Variants in TPRG1 observed in about 807,000 individuals in gnomAD.
TPRG1 encodes tumor protein p63 regulated 1, also known as tumor protein p63-regulated gene 1 protein.
TPRG1 carries 29 observed loss-of-function variants against 29.3 expected under a neutral mutation model. The ratio of observed to expected loss-of-function variants is 0.99; its 90% confidence interval spans 0.74 to 1.35. TPRG1 has a LOEUF of 1.35. Among genes scored for constraint, TPRG1 ranks in the 40% most tolerant of loss-of-function variants. The pLI is 0.00. For synonymous variants in TPRG1, 130 were observed against 116.8 expected, an observed-to-expected ratio of 1.11 and a Z score of -0.73; for missense variants, 327 against 335.0, an observed-to-expected ratio of 0.98 and a Z score of 0.19.
At chr3:189,059,551 C>T (rs1715957947) in intron 4 of TPRG1, among the ~76,000 whole-genome samples, 1 of 151,580 alleles carries the variant, frequency 6.6e-6, no homozygotes, top group African/African-American at 2.4e-5. Context: ...GAGATCGCGC[C>T]ACTGCACTCC....
chr3:189,180,097 A>G (rs920420806), intron 1 of TPRG1, among the ~76,000 whole-genome samples: 3 of 152,180 alleles, frequency 2.0e-5, no homozygotes, highest in African/African-American at 7.2e-5. Flanking sequence ...TAAAACCATC[A>G]GATCCCGTGA....
At chr3:189,064,545 TAA>T (rs1716313708) in intron 4 of TPRG1, among the ~76,000 whole-genome samples, 3 of 152,192 alleles carry the variant, frequency 2.0e-5, no homozygotes, top group African/African-American at 4.8e-5. Flanking sequence ...CAGAAATTAA[TAA>T]GATTTAAAAT....
chr3:189,051,390 G>A (rs973311156), intron 4 of TPRG1, among the ~76,000 whole-genome samples: 1 of 152,014 alleles, frequency 6.6e-6, no homozygotes, highest in African/African-American at 2.4e-5. Flanking sequence ...CATAACAAAG[G>A]AGTTGAAAGA....
intron 1 of TPRG1, among the ~76,000 whole-genome samples, chr3:189,119,277 A>G (rs1721548834): frequency 6.6e-6 from 1 of 152,140 alleles, no homozygotes; most frequent in South Asian, 2.1e-4. Flanking sequence ...GAATGGGTGT[A>G]TTTACCCAAT....
At chr3:189,061,237 A>G (rs183075887) in intron 4 of TPRG1, among the ~76,000 whole-genome samples, 86 of 152,358 alleles carry the variant, frequency 5.6e-4, no homozygotes, top group African/African-American at 2.0e-3. Flanking sequence ...AGAACTGGAT[A>G]GCCATATGCA....
rs533100806 is a variant in TPRG1 at position 189,127,404 on chromosome 3, T to C, written c.-590+194T>C. Reference sequence around the variant, plus strand: ...TTTAGAGATCATATAGGTGCTGACATATGTTAACAAATGGAAACTATTGAC... The same window carrying C: ...TTTAGAGATCATATAGGTGCTGACACATGTTAACAAATGGAAACTATTGAC... On this transcript the variant is annotated intron_variant, in intron 2 of 6. Transcript: ENST00000412373. Among the ~76,000 whole-genome samples the C allele has an allele frequency of 3.3e-5, 5 of 152,322 alleles. No individual in the cohort carries two copies. In the South Asian group the frequency reaches 6.2e-4, roughly 19 times the overall value.
intron 4 of TPRG1, among the ~76,000 whole-genome samples, chr3:189,148,173 T>C (rs1044915442): frequency 6.6e-6 from 1 of 152,162 alleles, no homozygotes; most frequent in Non-Finnish European, 1.5e-5. Context: ...TCCTGATTGG[T>C]AAGCAAAAAT....
At chr3:189,189,547 C>A (rs540804929) in intron 1 of TPRG1, among the ~76,000 whole-genome samples, 8 of 152,212 alleles carry the variant, frequency 5.3e-5, no homozygotes, top group African/African-American at 1.9e-4. Context: ...CTGGAAAGGT[C>A]ACTTATTTCA....
At chr3:189,294,087 G>A (rs1261204659) in intron 4 of TPRG1, among the ~76,000 whole-genome samples, 1 of 152,144 alleles carries the variant, frequency 6.6e-6, no homozygotes, top group Admixed American at 6.5e-5. Context: ...ACTGTATGAA[G>A]GGCTAAGAAA....
intron 2 of TPRG1, among the ~76,000 whole-genome samples, chr3:189,127,959 A>G (rs1722676708): frequency 6.6e-6 from 1 of 152,154 alleles, no homozygotes; most frequent in South Asian, 2.1e-4. Context: ...CCAAAACCTC[A>G]CTACAGGTCC....
chr3:189,223,660 G>A (rs16864111), intron 3 of TPRG1, among the ~76,000 whole-genome samples: 11,920 of 152,182 alleles, frequency 0.078, 586 homozygotes, highest in East Asian at 0.17. Context: ...GTCTAATGCA[G>A]CGAAATGCCT....
intron 4 of TPRG1, among the ~76,000 whole-genome samples, chr3:189,298,441 G>A (rs919422423): frequency 6.6e-6 from 1 of 152,208 alleles, no homozygotes; most frequent in Non-Finnish European, 1.5e-5. Context: ...TTCAGAGGAG[G>A]AAACATACTG....
chr3:189,201,133 A>G (rs1174960072), intron 1 of TPRG1, among the ~76,000 whole-genome samples: 1 of 152,226 alleles, frequency 6.6e-6, no homozygotes, highest in African/African-American at 2.4e-5. Flanking sequence ...ACCAGACTCC[A>G]GAACTGAGAG....
chr3:189,310,401 C>T lies in TPRG1; in HGVS notation c.495C>T (p.Gly165=). ...TTTCTTGTAGGAGACAAGGAGAAGG[C>T]CTTAGGATCTACTGGGGGAGTCCGG... The part of the protein sequence containing the change: ...GMSLDKRQGE[G]LRIYWGSPEE... Residue 165 remains glycine, a synonymous_variant, in exon 5 of 6, where the codon GGC becomes GGT. Coordinates refer to ENST00000345063, the MANE Select transcript of TPRG1 (RefSeq NM_198485.4). 6.2e-7 allele frequency: 1 copy of T among 1,605,322 alleles called. No individual in the cohort carries two copies. The highest frequency in any genetic ancestry group is 8.5e-7 in the Non-Finnish European group (1 of 1,174,982).
At chr3:189,189,307 T>C (rs1315521374) in intron 1 of TPRG1, among the ~76,000 whole-genome samples, 2 of 152,168 alleles carry the variant, frequency 1.3e-5, no homozygotes, top group East Asian at 3.8e-4. Context: ...GCCATAGATA[T>C]CTTTCTATTG....
rs1261673308 is a variant in TPRG1 at position 189,206,208 on chromosome 3, A to G, written c.-9-1168A>G. On this transcript the variant is annotated intron_variant, in intron 1 of 5. Transcript: ENST00000345063. Reference sequence around the variant, plus strand: ...AAATTGGAATAATATTATTTATAATATTTTTTAACTTACTTTTTTCCATTT... The same window carrying G: ...AAATTGGAATAATATTATTTATAATGTTTTTTAACTTACTTTTTTCCATTT... Among the ~76,000 whole-genome samples, 3 of 143,076 alleles carry G rather than the reference A, an allele frequency of 2.1e-5. No individual in the cohort carries two copies. In the East Asian group the frequency reaches 6.1e-4, roughly 29 times the overall value. The allele number at this position is 143,076 out of a possible 152,430, so 93.9% of individuals were successfully genotyped here.
intron 1 of TPRG1, among the ~76,000 whole-genome samples, chr3:189,106,326 C>T (rs1262925177): frequency 6.6e-6 from 1 of 152,156 alleles, no homozygotes; most frequent in East Asian, 1.9e-4. Context: ...AACCCCAACC[C>T]TCCAAATTTT....
At chr3:189,176,129 A>G (rs1031519691) in intron 1 of TPRG1, among the ~76,000 whole-genome samples, 3 of 152,236 alleles carry the variant, frequency 2.0e-5, no homozygotes, top group African/African-American at 4.8e-5. Flanking sequence ...TAATATTTAC[A>G]CAACTCCAAA....
chr3:189,310,776 G>T (rs1343107384), intron 5 of TPRG1, among the ~76,000 whole-genome samples: 1 of 151,958 alleles, frequency 6.6e-6, no homozygotes, highest in Non-Finnish European at 1.5e-5. Context: ...ATAACATGCT[G>T]CTTTCCGCTT....
Sources: allele counts gnomAD v4.1 joint callset (sites outside exome capture counted in the v4.1 genomes callset), GRCh38; gene constraint gnomAD v4.1.1; transcripts MANE v1.5; gene names NCBI Gene and HGNC (gene_info 2026-07-23, HGNC 2026-07-21).